The following NBEA variants were observed in gnomAD, a reference collection of about 807,000 sequenced individuals.
NBEA encodes the protein lysosomal-trafficking regulator 2.
NBEA carries 44 observed loss-of-function variants against 343.4 expected under a neutral mutation model. The observed-to-expected ratio is 0.13, with a 90% CI of 0.10 to 0.16. The LOEUF is 0.16. NBEA is among the 10% of genes least tolerant of loss of function. The pLI, the probability that NBEA is intolerant of heterozygous loss-of-function variation, is 1.00. For missense variants in NBEA, 2,555 were observed against 3,631.3 expected, an observed-to-expected ratio of 0.70 and a Z score of 7.62; for synonymous variants, 1,175 against 1,238.7, an observed-to-expected ratio of 0.95 and a Z score of 1.08.
intron 10 of NBEA, among the ~76,000 whole-genome samples, chr13:35,093,282 A>G (rs144187851): frequency 5.3e-5 from 8 of 150,676 alleles, no homozygotes; most frequent in African/African-American, 1.9e-4. Flanking sequence ...ATACAAATCT[A>G]TGTATCTATT....
At chr13:35,041,940 A>G (rs2062665960) in intron 2 of NBEA, among the ~76,000 whole-genome samples, 1 of 151,968 alleles carries the variant, frequency 6.6e-6, no homozygotes, top group South Asian at 2.1e-4. Flanking sequence ...CAGCCTAAGT[A>G]TCTTCTGACA....
At chr13:35,194,965 C>T (rs1395503575) in intron 30 of NBEA, among the ~76,000 whole-genome samples, 1 of 151,776 alleles carries the variant, frequency 6.6e-6, no homozygotes, top group African/African-American at 2.4e-5. Flanking sequence ...AGGCCTTGTC[C>T]TTGAGGAACA....
At chr13:35,432,465 CTT>C in intron 39 of NBEA, 72 bp downstream of exon 39, 1 of 1,342,438 alleles carries the variant, frequency 7.4e-7, no homozygotes. Context: ...AGAATTCCTT[CTT>C]TTTTTTTCGC....
At chr13:35,623,056 C>T (rs2083064971) in intron 48 of NBEA, among the ~76,000 whole-genome samples, 1 of 152,066 alleles carries the variant, frequency 6.6e-6, no homozygotes, top group East Asian at 1.9e-4. Flanking sequence ...CAGGGTAGAG[C>T]TCTGGATTGG....
intron 35 of NBEA, among the ~76,000 whole-genome samples, chr13:35,297,015 A>G (rs2036176572): frequency 1.3e-5 from 2 of 151,984 alleles, no homozygotes; most frequent in Admixed American, 6.6e-5. Context: ...GCTTCCTCCA[A>G]TAGTAACATC....
intron 41 of NBEA, among the ~76,000 whole-genome samples, chr13:35,545,217 T>G (rs192881588): frequency 3.8e-4 from 58 of 152,318 alleles, no homozygotes; most frequent in African/African-American, 1.3e-3. Context: ...ATAAACTCAG[T>G]ATTCAACTGA....
At chr13:35,370,249 A>G (rs143302365) in intron 38 of NBEA, among the ~76,000 whole-genome samples, 1 of 151,142 alleles carries the variant, frequency 6.6e-6, no homozygotes, top group Non-Finnish European at 1.5e-5. Flanking sequence ...TAGAATTGTT[A>G]TTTTCTCTTG....
At chr13:35,106,410 G>C (rs2065921014) in intron 11 of NBEA, among the ~76,000 whole-genome samples, 2 of 151,724 alleles carry the variant, frequency 1.3e-5, no homozygotes, top group African/African-American at 4.8e-5. Context: ...TATTCTTACT[G>C]TTTTTGAATT....
At chr13:35,037,838 G>A (rs187617669) in intron 1 of NBEA, among the ~76,000 whole-genome samples, 3 of 152,220 alleles carry the variant, frequency 2.0e-5, no homozygotes, top group South Asian at 2.1e-4. Flanking sequence ...TGCCTTAATC[G>A]CTCCTTGGCT....
chr13:35,220,145 C>G (rs1427494743), intron 33 of NBEA, among the ~76,000 whole-genome samples: 1 of 152,156 alleles, frequency 6.6e-6, no homozygotes, highest in African/African-American at 2.4e-5. Context: ...CCCTTCCTTA[C>G]TCTAGTTTAA....
chr13:35,452,459 TGAA>T (rs1269184188), intron 40 of NBEA, among the ~76,000 whole-genome samples: 3 of 152,194 alleles, frequency 2.0e-5, no homozygotes, highest in Admixed American at 6.5e-5. Flanking sequence ...TTCTAGGTAA[TGAA>T]GAGCAATTTT....
At chr13:35,265,313 C>T (rs1259961297) in intron 34 of NBEA, among the ~76,000 whole-genome samples, 1 of 151,808 alleles carries the variant, frequency 6.6e-6, no homozygotes, top group Non-Finnish European at 1.5e-5. Flanking sequence ...TCTATAAATT[C>T]AATGCAGTCC....
Position 35,124,082 on chromosome 13 carries a change from T to G in NBEA, c.2336+508T>G, listed in dbSNP as rs188136766. Among the ~76,000 whole-genome samples the G allele has an allele frequency of 2.6e-5, 4 of 152,192 alleles. No homozygotes were observed. In the East Asian group the frequency reaches 5.8e-4, roughly 22 times the overall value. On this transcript the variant is annotated intron_variant, in intron 17 of 58. Transcript: ENST00000379939. ...GAATTTGAATACTTTCTAAGAACAC[T>G]TTTTGTGTAAGAAACTGCTGCTGGC...
chr13:35,354,799 T>G (rs1358725288), intron 38 of NBEA, among the ~76,000 whole-genome samples: 1 of 152,174 alleles, frequency 6.6e-6, no homozygotes, highest in Admixed American at 6.6e-5. Flanking sequence ...TTAAAAATAC[T>G]ACTAATATGT....
rs1348176705 is a variant in NBEA at position 35,023,437 on chromosome 13, G to A, written c.295-17496G>A. Reference sequence around the variant, plus strand: ...TACTTTTTTCAATTTTTATCTTTGTGTCCTGTATAAGTTATATTAAATATA... The same window carrying A: ...TACTTTTTTCAATTTTTATCTTTGTATCCTGTATAAGTTATATTAAATATA... On this transcript the variant is annotated intron_variant, in intron 1 of 58. Coordinates refer to ENST00000379939, the MANE Select transcript of NBEA (RefSeq NM_001385012.1). Among the ~76,000 whole-genome samples, 3 of 152,028 alleles carry A rather than the reference G, an allele frequency of 2.0e-5. No homozygotes were observed. In the East Asian group the frequency reaches 5.8e-4, roughly 29 times the overall value.
chr13:35,223,583 C>T (rs1366905096), intron 33 of NBEA, among the ~76,000 whole-genome samples: 1 of 152,082 alleles, frequency 6.6e-6, no homozygotes, highest in Non-Finnish European at 1.5e-5. Context: ...TGAATTTCAG[C>T]AGTGTATTAT....
intron 1 of NBEA, among the ~76,000 whole-genome samples, chr13:35,026,440 C>T (rs1258583196): frequency 1.3e-5 from 2 of 151,176 alleles, no homozygotes; most frequent in Non-Finnish European, 2.9e-5. Context: ...TGTTTTATAT[C>T]TCAGTTTTTT....
At chr13:35,052,839 T>G (rs986749064) in intron 6 of NBEA, among the ~76,000 whole-genome samples, 1 of 152,042 alleles carries the variant, frequency 6.6e-6, no homozygotes, top group African/African-American at 2.4e-5. Flanking sequence ...CATATATTAT[T>G]GTTACAACCA....
chr13:35,516,933 G>A (rs1433764694), intron 41 of NBEA, among the ~76,000 whole-genome samples: 1 of 152,214 alleles, frequency 6.6e-6, no homozygotes, highest in Non-Finnish European at 1.5e-5. Flanking sequence ...CAACTGGGAA[G>A]TGTTAGGGAT....
Sources: gnomAD v4.1 joint callset for allele counts (sites outside exome capture counted in the v4.1 genomes callset) on GRCh38, gnomAD v4.1.1 for gene constraint, MANE v1.5 for transcripts, NCBI Gene and HGNC (gene_info 2026-07-23, HGNC 2026-07-21) for gene names.